XYLT1: variants seen among roughly 807,000 people sequenced by gnomAD.
XYLT1 encodes the protein beta-D-xylosyltransferase 1.
A neutral mutation model predicts 91.3 loss-of-function variants in XYLT1; 36 were observed. The ratio of observed to expected loss-of-function variants is 0.39; its 90% CI spans 0.30 to 0.52. XYLT1 has a LOEUF of 0.52. XYLT1 is among the 20% of genes least tolerant of loss of function. The pLI is 0.68. For synonymous variants in XYLT1, 588 were observed against 532.0 expected, an observed-to-expected ratio of 1.11 and a Z score of -1.45; for missense variants, 1,242 against 1,284.5, an observed-to-expected ratio of 0.97 and a Z score of 0.51.
At chr16:17,387,834 C>T (rs1477745352) in intron 1 of XYLT1, among the ~76,000 whole-genome samples, 2 of 152,192 alleles carry the variant, frequency 1.3e-5, no homozygotes, top group African/African-American at 2.4e-5. Flanking sequence ...GCTGTAGACA[C>T]CAAGATTTTT....
intron 6 of XYLT1, among the ~76,000 whole-genome samples, chr16:17,145,406 G>T (rs1001096756): frequency 6.6e-6 from 1 of 152,208 alleles, no homozygotes; most frequent in African/African-American, 2.4e-5. Flanking sequence ...GGCCAGCAAT[G>T]CAAGCTGGGT....
At chr16:17,348,068 A>C (rs1239044131) in intron 2 of XYLT1, among the ~76,000 whole-genome samples, 2 of 152,152 alleles carry the variant, frequency 1.3e-5, no homozygotes, top group African/African-American at 2.4e-5. Context: ...CAAAGCAAAG[A>C]AAAGTCCTTG....
rs781496972 is a variant in XYLT1, at chr16:17,470,782, C to A, written c.15G>T (p.Pro5=). 22 of 1,035,170 alleles carry A rather than the reference C, an allele frequency of 2.1e-5. No homozygotes were observed. In the South Asian group the frequency reaches 6.1e-4, roughly 29 times the overall value. The allele number at this position is 1,035,170 out of a possible 1,614,324, so 64.1% of individuals were successfully genotyped here. Residue 5 remains proline, a synonymous_variant, in exon 1 of 12, where the codon CCG becomes CCT. Coordinates refer to ENST00000261381, the MANE Select transcript of XYLT1 (RefSeq NM_022166.4). MVAA[P]CARRLARRSH... Reference sequence around the variant, plus strand: ...AGCGCCGGGCCAGCCTCCGGGCGCACGGCGCCGCCACCATCTTCGGAGCGC... The same window carrying A: ...AGCGCCGGGCCAGCCTCCGGGCGCAAGGCGCCGCCACCATCTTCGGAGCGC...
chr16:17,366,726 T>C (rs1014534780), intron 1 of XYLT1, among the ~76,000 whole-genome samples: 1 of 151,952 alleles, frequency 6.6e-6, no homozygotes, highest in Non-Finnish European at 1.5e-5. Context: ...AAACCAACCT[T>C]ACAAGAACTC....
At chr16:17,141,480 C>T (rs2030973238) in intron 6 of XYLT1, 111 bp from the exon 7 acceptor site, 2 of 1,067,516 alleles carry the variant, frequency 1.9e-6, no homozygotes, top group Non-Finnish European at 2.7e-6. Context: ...TATTGAGTGC[C>T]TGCTGTGTGC....
At chr16:17,321,645 A>T (rs1459174565) in intron 2 of XYLT1, among the ~76,000 whole-genome samples, 1 of 152,096 alleles carries the variant, frequency 6.6e-6, no homozygotes, top group African/African-American at 2.4e-5. Context: ...GGCATGAGCC[A>T]CCACACCCAG....
chr16:17,467,180 G>A (rs1040978414), intron 1 of XYLT1, among the ~76,000 whole-genome samples: 15 of 152,114 alleles, frequency 9.9e-5, no homozygotes, highest in African/African-American at 3.6e-4. Flanking sequence ...GGTGGGAAGG[G>A]TAATAAAAAA....
chr16:17,341,463 A>G lies in XYLT1; in HGVS notation c.402+16549T>C, dbSNP rs187204267. ...AAGTTACCATAAAATATGTTTCAGA[A>G]AATACATGTCATAAAATATGATGTT... is the stretch of plus-strand genomic sequence containing the variant. On this transcript the variant is annotated intron_variant, in intron 2 of 11. Coordinates refer to ENST00000261381, the MANE Select transcript of XYLT1 (RefSeq NM_022166.4). 2.3e-3 allele frequency among the ~76,000 whole-genome samples: 356 copies of G among 152,332 alleles called. 1 individual carries two copies. The highest frequency in any genetic ancestry group is 8.1e-3 in the African/African-American group (338 of 41,566).
intron 11 of XYLT1, among the ~76,000 whole-genome samples, chr16:17,110,738 C>G (rs1479593067): frequency 6.6e-6 from 1 of 152,142 alleles, no homozygotes; most frequent in Non-Finnish European, 1.5e-5. Context: ...AGAGAGGCAG[C>G]TGGAGTTAGA....
At chr16:17,251,059 C>G (rs1335106536) in intron 3 of XYLT1, 2 of 152,214 alleles carry the variant, frequency 1.3e-5, no homozygotes. Flanking sequence ...TAGAAGCCGG[C>G]TACTCACGCT....
chr16:17,217,098 C>A (rs1329358671), intron 3 of XYLT1, among the ~76,000 whole-genome samples: 1 of 152,188 alleles, frequency 6.6e-6, no homozygotes, highest in Non-Finnish European at 1.5e-5. Context: ...CAGTGGGTAA[C>A]AACGAGCACC....
At chr16:17,377,444 C>A (rs2035617334) in intron 1 of XYLT1, among the ~76,000 whole-genome samples, 1 of 152,144 alleles carries the variant, frequency 6.6e-6, no homozygotes, top group South Asian at 2.1e-4. Flanking sequence ...TGGTTCAAGA[C>A]ATCCAGGCTC....
chr16:17,406,142 A>G (rs1163717067), intron 1 of XYLT1, among the ~76,000 whole-genome samples: 1 of 152,210 alleles, frequency 6.6e-6, no homozygotes, highest in Non-Finnish European at 1.5e-5. Context: ...CTGAGATTGC[A>G]CCACTGCAGC....
At chr16:17,459,379 T>G (rs1221553281) in intron 1 of XYLT1, among the ~76,000 whole-genome samples, 1 of 152,152 alleles carries the variant, frequency 6.6e-6, no homozygotes, top group African/African-American at 2.4e-5. Flanking sequence ...CTCAATAAAT[T>G]AACAAATAAA....
intron 1 of XYLT1, among the ~76,000 whole-genome samples, chr16:17,379,491 C>T (rs2141881824): frequency 6.6e-6 from 1 of 152,232 alleles, no homozygotes; most frequent in South Asian, 2.1e-4. Flanking sequence ...AAATGGGAAC[C>T]TGGCCCCCGG....
chr16:17,319,126 C>T (rs2034679115), intron 2 of XYLT1, among the ~76,000 whole-genome samples: 1 of 152,024 alleles, frequency 6.6e-6, no homozygotes, highest in African/African-American at 2.4e-5. Flanking sequence ...GAATGAGCTA[C>T]CTCCACTTTT....
intron 1 of XYLT1, among the ~76,000 whole-genome samples, chr16:17,442,388 C>T (rs900525882): frequency 2.0e-5 from 3 of 151,990 alleles, no homozygotes; most frequent in Non-Finnish European, 2.9e-5. Context: ...TGATTTTTGC[C>T]CACCTACCCC....
chr16:17,248,745 ATT>A (rs1045404682), intron 3 of XYLT1, among the ~76,000 whole-genome samples: 5 of 127,002 alleles, frequency 3.9e-5, no homozygotes, highest in Admixed American at 8.4e-5. Flanking sequence ...TTACATGTGA[ATT>A]TTTTTTTTTT....
intron 3 of XYLT1, among the ~76,000 whole-genome samples, chr16:17,252,606 A>G (rs2033559222): frequency 6.6e-6 from 1 of 152,180 alleles, no homozygotes; most frequent in South Asian, 2.1e-4. Flanking sequence ...GCTTCCTTCT[A>G]AATCCCTTTT....
Sources: allele counts gnomAD v4.1 joint callset (sites outside exome capture counted in the v4.1 genomes callset), GRCh38; gene constraint gnomAD v4.1.1; transcripts MANE v1.5; gene names NCBI Gene and HGNC (gene_info 2026-07-23, HGNC 2026-07-21).